C8orf34: variants seen among roughly 807,000 people sequenced by gnomAD.
C8orf34 encodes uncharacterized protein C8orf34.
In C8orf34, 65 loss-of-function variants were observed where a neutral mutation model predicts 68.3. The ratio of observed to expected loss-of-function variants is 0.95; its 90% confidence interval spans 0.78 to 1.17. C8orf34 has a LOEUF of 1.17. Ranked by LOEUF, C8orf34 falls within the 50% of genes most tolerant of loss-of-function variation. The probability of loss-of-function intolerance (pLI) is 0.00; values close to 1 mark genes in which losing one functional copy is unlikely to be tolerated. For synonymous variants in C8orf34, 244 were observed against 241.2 expected (o/e 1.01, Z -0.11); for missense variants, 664 against 655.4 (o/e 1.01, Z -0.14).
chr8:68,413,271 C>A (rs1809521623), intron 1 of C8orf34, among the ~76,000 whole-genome samples: 2 of 152,160 alleles, frequency 1.3e-5, no homozygotes, highest in Admixed American at 1.3e-4. Flanking sequence ...TTGTTTCCTA[C>A]TTTACTGAGA....
intron 2 of C8orf34, among the ~76,000 whole-genome samples, chr8:68,441,472 A>G (rs1362730694): frequency 6.6e-6 from 1 of 151,702 alleles, no homozygotes; most frequent in African/African-American, 2.4e-5. Flanking sequence ...CTCCTCCTCC[A>G]TCTTCTTCAT....
chr8:68,673,767 C>T (rs550396976), intron 8 of C8orf34, among the ~76,000 whole-genome samples: 29 of 152,110 alleles, frequency 1.9e-4, no homozygotes, highest in Non-Finnish European at 3.7e-4. Flanking sequence ...GATTATAGAG[C>T]CCCACAGCTC....
chr8:68,756,736 G>A (rs1290358170), intron 10 of C8orf34, among the ~76,000 whole-genome samples: 2 of 152,124 alleles, frequency 1.3e-5, no homozygotes, highest in African/African-American at 2.4e-5. Context: ...TGGTAAGGGA[G>A]TAAATCTGTA....
intron 1 of C8orf34, among the ~76,000 whole-genome samples, chr8:68,337,867 A>G (rs907770790): frequency 6.6e-6 from 1 of 152,190 alleles, no homozygotes; most frequent in Non-Finnish European, 1.5e-5. Context: ...TCTCAAAATC[A>G]TTTTGAAATA....
intron 5 of C8orf34, among the ~76,000 whole-genome samples, chr8:68,517,077 T>G (rs900541999): frequency 1.3e-5 from 2 of 152,220 alleles, no homozygotes; most frequent in African/African-American, 4.8e-5. Context: ...TCTCTGAAAT[T>G]TTAAATGTTT....
intron 1 of C8orf34, among the ~76,000 whole-genome samples, chr8:68,367,929 A>AAAG (rs1807376536): frequency 6.7e-6 from 1 of 148,774 alleles, no homozygotes; most frequent in Non-Finnish European, 1.5e-5. Flanking sequence ...AAAAAAAAAA[A>AAAG]AAAAAAAAGA....
At chr8:68,400,542 T>C (rs970796454) in intron 1 of C8orf34, among the ~76,000 whole-genome samples, 1 of 152,078 alleles carries the variant, frequency 6.6e-6, no homozygotes, top group Admixed American at 6.6e-5. Context: ...GTTCTGTTGA[T>C]CTATGTGTCT....
rs139349936 is a variant in C8orf34 at position 68,527,793 on chromosome 8, A to G, written c.939-5190A>G. On this transcript the variant is annotated intron_variant, in intron 6 of 13. Coordinates refer to ENST00000518698, the MANE Select transcript of C8orf34 (RefSeq NM_052958.4). ...TGGGAAAGAGGGGCCTCGGAACCCT[A>G]AGTGCTCTTAGAAAAACCCCTCTTG... Among the ~76,000 whole-genome samples, 239 of 152,250 alleles carry G rather than the reference A, an allele frequency of 1.6e-3. 2 individuals carry two copies. Among genetic ancestry groups the G allele is most frequent in the African/African-American group, 5.1e-3 (213 of 41,552 alleles).
At chr8:68,373,077 C>A (rs979016697) in intron 1 of C8orf34, among the ~76,000 whole-genome samples, 3 of 152,138 alleles carry the variant, frequency 2.0e-5, no homozygotes, top group Non-Finnish European at 4.4e-5. Context: ...CTCACTGCAA[C>A]CTCCACCTCC....
At chr8:68,700,937 G>A (rs1820997703) in intron 8 of C8orf34, among the ~76,000 whole-genome samples, 1 of 152,206 alleles carries the variant, frequency 6.6e-6, no homozygotes, top group South Asian at 2.1e-4. Context: ...AAGAGGCTTT[G>A]TGAATTAAAA....
chr8:68,699,514 T>C (rs1227301622), intron 8 of C8orf34, among the ~76,000 whole-genome samples: 3 of 152,030 alleles, frequency 2.0e-5, no homozygotes, highest in African/African-American at 7.2e-5. Context: ...GGGTTGTCCT[T>C]TGTGCACATA....
At chr8:68,510,025 G>T (rs1298827443) in intron 5 of C8orf34, among the ~76,000 whole-genome samples, 1 of 152,146 alleles carries the variant, frequency 6.6e-6, no homozygotes, top group African/African-American at 2.4e-5. Context: ...GGCTTAATTG[G>T]CAGGAATCAG....
chr8:68,707,862 G>A (rs1162449434), intron 8 of C8orf34, among the ~76,000 whole-genome samples: 1 of 152,074 alleles, frequency 6.6e-6, no homozygotes, highest in East Asian at 1.9e-4. Context: ...TCTTTGATAT[G>A]ATTTTGATAG....
intron 1 of C8orf34, among the ~76,000 whole-genome samples, chr8:68,400,535 C>G (rs550351357): frequency 6.6e-6 from 1 of 151,994 alleles, no homozygotes; most frequent in Non-Finnish European, 1.5e-5. Flanking sequence ...CTTTTCAGTT[C>G]TGTTGATCTA....
intron 10 of C8orf34, among the ~76,000 whole-genome samples, chr8:68,758,720 A>T (rs964873314): frequency 6.9e-6 from 1 of 144,188 alleles, no homozygotes; most frequent in African/African-American, 2.5e-5. Context: ...AGCAGAGATG[A>T]TATAGAGACT....
chr8:68,395,128 A>G (rs1276981870), intron 1 of C8orf34, among the ~76,000 whole-genome samples: 1 of 151,976 alleles, frequency 6.6e-6, no homozygotes, highest in Non-Finnish European at 1.5e-5. Context: ...AAGTACAAAA[A>G]GTATTTTTTT....
At chr8:68,702,782 G>T (rs1821057192) in intron 8 of C8orf34, among the ~76,000 whole-genome samples, 1 of 151,938 alleles carries the variant, frequency 6.6e-6, no homozygotes, top group Admixed American at 6.6e-5. Flanking sequence ...CACCTTATTG[G>T]GTGTTTTGGT....
chr8:68,788,816 G>A (rs990522029), intron 12 of C8orf34, among the ~76,000 whole-genome samples: 6 of 151,724 alleles, frequency 4.0e-5, no homozygotes, highest in Middle Eastern at 3.2e-3. Context: ...CCGAGATCGC[G>A]CCACTGCACT....
chr8:68,812,652 T>C (rs1824687653), intron 12 of C8orf34, among the ~76,000 whole-genome samples: 2 of 152,226 alleles, frequency 1.3e-5, no homozygotes, highest in Admixed American at 1.3e-4. Context: ...CTATTTTTCA[T>C]TGTAAATGTT....
Sources: gnomAD v4.1 joint callset for allele counts (sites outside exome capture counted in the v4.1 genomes callset) on GRCh38, gnomAD v4.1.1 for gene constraint, MANE v1.5 for transcripts, NCBI Gene and HGNC (gene_info 2026-07-23, HGNC 2026-07-21) for gene names.